Variants in FRAS1 observed in about 807,000 individuals in gnomAD.
FRAS1 encodes extracellular matrix organizing protein FRAS1.
Under a neutral mutation model 435.2 loss-of-function variants are expected in FRAS1, and 290 were observed. That is an observed-to-expected ratio of 0.67 (90% confidence interval 0.61 to 0.73). The LOEUF is 0.73. Ranked by LOEUF, FRAS1 falls within the 30% of genes least tolerant of loss-of-function variation. The pLI is 0.00. For missense variants in FRAS1, 4,860 were observed against 5,001.5 expected (o/e 0.97, Z 0.85); for synonymous variants, 1,800 against 1,851.0 (o/e 0.97, Z 0.71).
At chr4:78,419,095 ATAT>A in intron 33 of FRAS1, 32 bp downstream of exon 33, 2 of 1,238,322 alleles carry the variant, frequency 1.6e-6, no homozygotes, top group Non-Finnish European at 2.3e-6. Context: ...CTTTTGAGTG[ATAT>A]TATTATCTTC....
intron 11 of FRAS1, among the ~76,000 whole-genome samples, chr4:78,281,704 T>C (rs1449470991): frequency 6.6e-6 from 1 of 152,208 alleles, no homozygotes; most frequent in Non-Finnish European, 1.5e-5. Context: ...TGTGATGTTT[T>C]TCTCTCCCTG....
intron 2 of FRAS1, among the ~76,000 whole-genome samples, chr4:78,090,870 A>G (rs921564638): frequency 1.3e-5 from 2 of 152,232 alleles, no homozygotes; most frequent in African/African-American, 4.8e-5. Context: ...GAGGAGCATA[A>G]TTCTAGAAAT....
At position 78,375,823 on chromosome 4, in the gene FRAS1, G is replaced by A. The variant is rs1731736682; in HGVS notation, c.3236G>A (p.Cys1079Tyr). ...DHGFFLKSGL[C>Y]VYNCVPGFSV... Reference sequence around the variant, plus strand: ...GGGTTCTTTCTGAAGAGTGGCCTCTGTGTTTACAACTGTGTTCCTGGCTTT... The same window carrying A: ...GGGTTCTTTCTGAAGAGTGGCCTCTATGTTTACAACTGTGTTCCTGGCTTT... Residue 1079 changes from cysteine to tyrosine, a missense_variant, in exon 26 of 74, where the codon TGT becomes TAT. Transcript: ENST00000512123. The A allele has an allele frequency of 1.2e-6, 2 of 1,613,692 alleles. No homozygotes were observed. The highest frequency in any genetic ancestry group is 1.7e-6 in the Non-Finnish European group (2 of 1,179,772).
chr4:78,213,852 A>C (rs2110087759), intron 2 of FRAS1, among the ~76,000 whole-genome samples: 1 of 152,340 alleles, frequency 6.6e-6, no homozygotes, highest in Non-Finnish European at 1.5e-5. Flanking sequence ...CACCTCTGTA[A>C]CTTCCCAAGA....
chr4:78,466,459 A>G (rs1371496057), intron 50 of FRAS1, 24 bp downstream of exon 50: 2 of 1,563,554 alleles, frequency 1.3e-6, no homozygotes, highest in Admixed American at 1.7e-5. Flanking sequence ...ACACTGGAGG[A>G]GGTAGCCTAG....
chr4:78,117,981 A>G (rs1266093745), intron 2 of FRAS1, among the ~76,000 whole-genome samples: 1 of 152,022 alleles, frequency 6.6e-6, no homozygotes, highest in African/African-American at 2.4e-5. Context: ...TTGGTCTTTG[A>G]TGATGGTGAC....
intron 2 of FRAS1, among the ~76,000 whole-genome samples, chr4:78,134,834 A>G (rs1237250234): frequency 6.6e-6 from 1 of 152,222 alleles, no homozygotes; most frequent in Non-Finnish European, 1.5e-5. Flanking sequence ...ACAAACAAAA[A>G]GTCTGAGGTT....
At chr4:78,260,116 T>C (rs1048985135) in intron 6 of FRAS1, among the ~76,000 whole-genome samples, 5 of 152,018 alleles carry the variant, frequency 3.3e-5, no homozygotes, top group East Asian at 1.9e-4. Context: ...CCTTGTAGTA[T>C]AGTTTGAAGT....
intron 6 of FRAS1, among the ~76,000 whole-genome samples, chr4:78,261,246 G>T (rs1162471964): frequency 6.6e-6 from 1 of 151,432 alleles, no homozygotes; most frequent in African/African-American, 2.4e-5. Flanking sequence ...ATTTTTTATT[G>T]CTTCCTGCTT....
At chr4:78,462,093 A>G (rs2627652) in intron 47 of FRAS1, among the ~76,000 whole-genome samples, 53,586 of 152,092 alleles carry the variant, frequency 0.35, 9,754 homozygotes, top group Admixed American at 0.42. Flanking sequence ...TTACGCCGGA[A>G]GCAAAGGCTC....
At position 78,464,549 on chromosome 4, in the gene FRAS1, A is replaced by G. The variant is rs879238732; in HGVS notation, c.6995A>G (p.Glu2332Gly). ...GAGGGCATGAGGAAGACCATCACAG[A>G]GTTTGAGCTTAAGGCGGTGGATGCT... ...VQEGMRKTIT[E>G]FELKAVDADT... The change falls in exon 49 of 74, where the codon GAG (glutamate) becomes GGG (glycine). Residue 2332 changes from glutamate (E) to glycine (G), a missense_variant. Coordinates refer to ENST00000512123, the MANE Select transcript of FRAS1 (RefSeq NM_025074.7). The G allele has an allele frequency of 1.2e-6, 2 of 1,613,884 alleles. No individual in the cohort carries two copies. The highest frequency in any genetic ancestry group is 2.2e-5 in the South Asian group (2 of 91,072).
Position 78,178,370 on chromosome 4 carries a change from G to T in FRAS1, c.109-59140G>T, listed in dbSNP as rs116211716. 4.3e-3 allele frequency among the ~76,000 whole-genome samples: 651 copies of T among 152,222 alleles called. 6 individuals are homozygous for T. The highest frequency in any genetic ancestry group is 0.015 in the African/African-American group (634 of 41,532). Reference sequence around the variant, plus strand: ...ATTCCATGACATTCTAGGCTTCGTAGTTTTCAGTCCTTTTTCTTAAATTAC... The same window carrying T: ...ATTCCATGACATTCTAGGCTTCGTATTTTTCAGTCCTTTTTCTTAAATTAC... On this transcript the variant is annotated intron_variant, in intron 2 of 73. Coordinates refer to ENST00000512123, the MANE Select transcript of FRAS1 (RefSeq NM_025074.7).
intron 18 of FRAS1, 55 bp downstream of exon 18, chr4:78,319,041 T>G: frequency 6.4e-7 from 1 of 1,557,496 alleles, no homozygotes; most frequent in Non-Finnish European, 8.8e-7. Flanking sequence ...TCTTGAGAGA[T>G]CCTGTGAGGT....
chr4:78,285,723 C>A (rs1241882223), intron 13 of FRAS1, among the ~76,000 whole-genome samples: 2 of 152,054 alleles, frequency 1.3e-5, no homozygotes, highest in Non-Finnish European at 2.9e-5. Context: ...TGAGCCACTG[C>A]CACCTGGTAT....
intron 70 of FRAS1, among the ~76,000 whole-genome samples, chr4:78,528,351 G>C (rs1721606866): frequency 6.6e-6 from 1 of 152,184 alleles, no homozygotes; most frequent in Non-Finnish European, 1.5e-5. Context: ...AGTCAAGATA[G>C]AGACAAGATA....
intron 66 of FRAS1, 131 bp downstream of exon 66, chr4:78,516,144 A>G: frequency 1.5e-6 from 1 of 655,200 alleles, no homozygotes; most frequent in Non-Finnish European, 2.6e-6. Context: ...TCTTCTTTAT[A>G]AGTCCCTCAA....
chr4:78,494,275 T>C (rs1305676426), intron 59 of FRAS1, among the ~76,000 whole-genome samples: 1 of 152,208 alleles, frequency 6.6e-6, no homozygotes, highest in Non-Finnish European at 1.5e-5. Context: ...TAATATTTTA[T>C]GGTATATGTC....
chr4:78,356,075 G>A (rs1359871497), intron 20 of FRAS1, among the ~76,000 whole-genome samples: 2 of 152,112 alleles, frequency 1.3e-5, no homozygotes, highest in Non-Finnish European at 2.9e-5. Context: ...ACCTCCCACG[G>A]TGCCTACATG....
intron 14 of FRAS1, among the ~76,000 whole-genome samples, chr4:78,299,278 C>G (rs1456437156): frequency 3.3e-5 from 5 of 152,078 alleles, no homozygotes; most frequent in Non-Finnish European, 5.9e-5. Context: ...TTGAGGCCAT[C>G]CTGCTCATTC....
Sources: gnomAD v4.1 joint callset for allele counts (sites outside exome capture counted in the v4.1 genomes callset) on GRCh38, gnomAD v4.1.1 for gene constraint, MANE v1.5 for transcripts, NCBI Gene and HGNC (gene_info 2026-07-23, HGNC 2026-07-21) for gene names.